Variants in SCFD2 observed in about 807,000 individuals in gnomAD.
SCFD2 encodes the protein sec1 family domain-containing protein 2.
A neutral mutation model predicts 58.9 loss-of-function variants in SCFD2; 54 were observed. That is an observed-to-expected ratio of 0.92 (90% CI 0.74 to 1.15). The LOEUF (loss-of-function observed/expected upper bound fraction) is 1.15, where lower values mean the gene tolerates loss of function less well. Among genes scored for constraint, SCFD2 ranks in the 50% most tolerant of loss-of-function variants. SCFD2 has a pLI of 0.00. For synonymous variants in SCFD2, 321 were observed against 335.9 expected (o/e 0.96, Z 0.49); for missense variants, 805 against 836.6 (o/e 0.96, Z 0.47).
At chr4:53,251,467 T>C (rs1438551457) in intron 4 of SCFD2, among the ~76,000 whole-genome samples, 1 of 152,094 alleles carries the variant, frequency 6.6e-6, no homozygotes, top group Non-Finnish European at 1.5e-5. Context: ...TGATGAACAT[T>C]GATGCAAAAA....
At chr4:53,236,043 T>A (rs11947928) in intron 4 of SCFD2, among the ~76,000 whole-genome samples, 1 of 152,042 alleles carries the variant, frequency 6.6e-6, no homozygotes, top group African/African-American at 2.4e-5. Flanking sequence ...GGATACGAAG[T>A]ATTGATTCTG....
chr4:53,035,282 C>G (rs1226601933), intron 5 of SCFD2, among the ~76,000 whole-genome samples: 1 of 152,164 alleles, frequency 6.6e-6, no homozygotes, highest in East Asian at 1.9e-4. Flanking sequence ...ATGCAGAAAA[C>G]TAAAACTGGA....
At chr4:53,251,562 T>G (rs969890229) in intron 4 of SCFD2, among the ~76,000 whole-genome samples, 10 of 152,222 alleles carry the variant, frequency 6.6e-5, no homozygotes, top group African/African-American at 2.2e-4. Context: ...ATCCCTGGGA[T>G]GCAAGGCTGG....
chr4:52,928,203 G>A (rs1719906193), intron 5 of SCFD2, among the ~76,000 whole-genome samples: 2 of 152,064 alleles, frequency 1.3e-5, no homozygotes, highest in South Asian at 2.1e-4. Context: ...CAGTGTGGTG[G>A]TGCATACCTG....
chr4:53,321,820 T>A (rs571467207), intron 2 of SCFD2, among the ~76,000 whole-genome samples: 1 of 152,236 alleles, frequency 6.6e-6, no homozygotes, highest in Non-Finnish European at 1.5e-5. Flanking sequence ...GTGCAAGATA[T>A]GTGACAGAGT....
intron 5 of SCFD2, among the ~76,000 whole-genome samples, chr4:53,038,746 T>G (rs1168671444): frequency 2.0e-5 from 3 of 151,938 alleles, no homozygotes; most frequent in Non-Finnish European, 2.9e-5. Context: ...TGGAATACAG[T>G]GGTGTGATCA....
chr4:53,207,491 TTTC>T (rs1325284874), intron 4 of SCFD2, among the ~76,000 whole-genome samples: 294 of 21,772 alleles, frequency 0.014, 32 homozygotes, highest in African/African-American at 0.058. Context: ...TATATATATA[TTTC>T]ATATATATAT....
chr4:53,209,851 CA>C (rs1485057976), intron 4 of SCFD2, among the ~76,000 whole-genome samples: 1 of 151,550 alleles, frequency 6.6e-6, no homozygotes, highest in Non-Finnish European at 1.5e-5. Flanking sequence ...TGGAGAACTC[CA>C]ATCAGTAAAC....
chr4:53,149,473 G>A (rs1726443377), intron 4 of SCFD2, among the ~76,000 whole-genome samples: 1 of 152,090 alleles, frequency 6.6e-6, no homozygotes, highest in Non-Finnish European at 1.5e-5. Context: ...ATGAGTGGTT[G>A]GATTAATAAA....
chr4:53,182,352 A>C (rs1343667150), intron 4 of SCFD2, among the ~76,000 whole-genome samples: 1 of 152,174 alleles, frequency 6.6e-6, no homozygotes, highest in Non-Finnish European at 1.5e-5. Context: ...AATGCCACAT[A>C]TCTACAACTA....
chr4:52,963,992 CA>C (rs1720907114), intron 5 of SCFD2, among the ~76,000 whole-genome samples: 1 of 152,108 alleles, frequency 6.6e-6, no homozygotes, highest in African/African-American at 2.4e-5. Context: ...TTGTCCTTGC[CA>C]AATTACATTT....
intron 4 of SCFD2, among the ~76,000 whole-genome samples, chr4:53,237,296 C>T (rs1350973477): frequency 6.6e-6 from 1 of 151,306 alleles, no homozygotes; most frequent in Non-Finnish European, 1.5e-5. Context: ...ACCTTTCCTG[C>T]CTTTCTATTC....
chr4:53,180,092 C>T (rs1232454915), intron 4 of SCFD2, among the ~76,000 whole-genome samples: 9 of 152,050 alleles, frequency 5.9e-5, no homozygotes, highest in Non-Finnish European at 1.3e-4. Context: ...GACAGAACAA[C>T]GAGACAGAAA....
At chr4:53,207,244 A>G (rs1728433846) in intron 4 of SCFD2, among the ~76,000 whole-genome samples, 1 of 150,696 alleles carries the variant, frequency 6.6e-6, no homozygotes, top group Non-Finnish European at 1.5e-5. Context: ...TTTCCAACCT[A>G]TGAACTTTTG....
chr4:53,235,333 A>G (rs1002472901), intron 4 of SCFD2, among the ~76,000 whole-genome samples: 3 of 152,352 alleles, frequency 2.0e-5, no homozygotes, highest in South Asian at 4.1e-4. Flanking sequence ...TAAACCATGT[A>G]AACATTTATC....
At chr4:53,323,358 A>AT (rs1471551689) in intron 2 of SCFD2, among the ~76,000 whole-genome samples, 1 of 152,004 alleles carries the variant, frequency 6.6e-6, no homozygotes, top group African/African-American at 2.4e-5. Flanking sequence ...GGAGAGAAGA[A>AT]TATACAGTAG....
intron 5 of SCFD2, among the ~76,000 whole-genome samples, chr4:53,054,458 T>C (rs1723267473): frequency 6.6e-6 from 1 of 152,146 alleles, no homozygotes; most frequent in African/African-American, 2.4e-5. Flanking sequence ...ACACAGAAGG[T>C]ACCTGATAAA....
chr4:52,900,770 G>A (rs554226667), intron 7 of SCFD2, among the ~76,000 whole-genome samples: 101 of 152,354 alleles, frequency 6.6e-4, no homozygotes, highest in African/African-American at 2.3e-3. Context: ...AGGCCTCCTT[G>A]AGCTGTGGTG....
At chr4:53,105,533 AG>A (rs1173043163) in intron 5 of SCFD2, among the ~76,000 whole-genome samples, 1 of 152,182 alleles carries the variant, frequency 6.6e-6, no homozygotes, top group East Asian at 1.9e-4. Flanking sequence ...ACACTTGAAA[AG>A]GTGGTTTTCC....
Sources: allele counts gnomAD v4.1 joint callset (sites outside exome capture counted in the v4.1 genomes callset), GRCh38; gene constraint gnomAD v4.1.1; transcripts MANE v1.5; gene names NCBI Gene and HGNC (gene_info 2026-07-23, HGNC 2026-07-21).